The following WNK3 variants were observed in gnomAD, a reference collection of about 807,000 sequenced individuals.
The protein encoded by WNK3 is serine/threonine-protein kinase WNK3.
WNK3 carries 18 observed loss-of-function variants against 116.7 expected under a neutral mutation model. The observed-to-expected ratio is 0.15, with a 90% CI of 0.11 to 0.23. The LOEUF (loss-of-function observed/expected upper bound fraction) is 0.23, where lower values mean the gene tolerates loss of function less well. Ranked by LOEUF, WNK3 falls within the 10% of genes least tolerant of loss-of-function variation. The pLI is 1.00. For missense variants in WNK3, 993 were observed against 1,323.8 expected, an observed-to-expected ratio of 0.75 and a Z score of 3.88; for synonymous variants, 404 against 469.4, an observed-to-expected ratio of 0.86 and a Z score of 1.80.
At chrX:54,195,930 C>T (rs1465936229) in exon 24 of WNK3, 2 of 111,289 alleles carry the variant, frequency 1.8e-5, no homozygotes, top group Non-Finnish European at 3.8e-5. Flanking sequence ...GTCATTAATA[C>T]ATGTAATTGT....
At chrX:54,196,406 A>AT (rs782243828) in exon 24 of WNK3, 6,304 of 83,945 alleles carry the variant, frequency 0.075, 403 homozygotes, top group African/African-American at 0.19. Flanking sequence ...CATAAAACAC[A>AT]TTTTTTTTTT....
intron 20 of WNK3, among the ~76,000 whole-genome samples, chrX:54,236,307 C>G (rs6521670): frequency 0.18 from 18,858 of 103,557 alleles, 2,901 homozygotes; most frequent in African/African-American, 0.5. Flanking sequence ...TTTTTAAATA[C>G]AGACAAAGTT....
chrX:54,255,723 C>A lies in WNK3; in HGVS notation c.2250+17G>T, dbSNP rs782509744. The stretch of plus-strand genomic sequence containing the variant: ...CCTCTATATGTACTCTTAACCAAAC[C>A]ATATTTACAAACTGACCTGAAGGAC... On this transcript the variant is annotated intron_variant, in intron 12 of 23. Transcript: ENST00000354646. The A allele has an allele frequency of 1.7e-6, 2 of 1,203,001 alleles. No homozygotes were observed. Among genetic ancestry groups the A allele is most frequent in the African/African-American group, 3.5e-5 (2 of 57,403 alleles).
At position 54,232,095 on chromosome X, in the gene WNK3, A is replaced by ATG. The variant is rs1228009876; in HGVS notation, c.4840+712_4840+713dup. ...TGAGTGTGTGTGTGTGTCTGTGTAT[A>ATG]TGTGTGTGTGTGTGTGTGTATATAT... is the stretch of plus-strand genomic sequence containing the variant. On this transcript the variant is annotated intron_variant, in intron 21 of 23. Transcript: ENST00000354646. Among the ~76,000 whole-genome samples, 201 of 96,634 alleles carry ATG rather than the reference A, an allele frequency of 2.1e-3. 2 individuals are homozygous for ATG. Among genetic ancestry groups the ATG allele is most frequent in the Middle Eastern group, 0.02 (4 of 197 alleles). 83.9% of individuals were successfully genotyped at this position (96,634 alleles called of 115,157 possible). A position where few individuals can be genotyped will look rare whatever the true frequency, so the allele number is the denominator to read the frequency against.
At chrX:54,268,120 ACACAC>A (rs1275511275) in intron 10 of WNK3, among the ~76,000 whole-genome samples, 3 of 107,171 alleles carry the variant, frequency 2.8e-5, no homozygotes, top group Non-Finnish European at 3.8e-5. Context: ...ACACACACAC[ACACAC>A]ACTTCCTAGC....
At chrX:54,321,445 C>CATGG (rs1428867440) in intron 2 of WNK3, among the ~76,000 whole-genome samples, 18 of 111,396 alleles carry the variant, frequency 1.6e-4, no homozygotes, top group Non-Finnish European at 3.0e-4. Flanking sequence ...AAACAGCAGT[C>CATGG]ATGGCAATGA....
Position 54,311,647 on chromosome X carries a change from T to C in WNK3, c.538-356A>G, listed in dbSNP as rs930608663. On this transcript the variant is annotated intron_variant, in intron 2 of 23. Transcript: ENST00000354646. Reference sequence around the variant, plus strand: ...TGAGTTTCCATATCTAAAACATCTGTAATGTCAGAACAAGAACAATAAAAA... The same window carrying C: ...TGAGTTTCCATATCTAAAACATCTGCAATGTCAGAACAAGAACAATAAAAA... Among the ~76,000 whole-genome samples, 3 of 112,266 alleles carry C rather than the reference T, an allele frequency of 2.7e-5. No individual in the cohort carries two copies. In the East Asian group the frequency reaches 8.4e-4, roughly 31 times the overall value.
At chrX:54,324,202 T>A (rs2069070872) in intron 2 of WNK3, among the ~76,000 whole-genome samples, 1 of 111,848 alleles carries the variant, frequency 8.9e-6, no homozygotes, top group Admixed American at 9.6e-5. Flanking sequence ...CTCCCTCTTA[T>A]AAGGACCCTT....
chrX:54,296,046 G>A (rs2068695377), intron 7 of WNK3, among the ~76,000 whole-genome samples: 1 of 111,986 alleles, frequency 8.9e-6, no homozygotes, highest in Non-Finnish European at 1.9e-5. Context: ...ACACTATTGA[G>A]GGATGTGCAG....
At chrX:54,284,418 G>T (rs2068556461) in intron 10 of WNK3, among the ~76,000 whole-genome samples, 1 of 111,226 alleles carries the variant, frequency 9.0e-6, no homozygotes, top group Non-Finnish European at 1.9e-5. Context: ...ATACATTGCT[G>T]GTGTTAGTGC....
chrX:54,336,300 A>G (rs937197943), intron 1 of WNK3, among the ~76,000 whole-genome samples: 4 of 110,311 alleles, frequency 3.6e-5, no homozygotes, highest in African/African-American at 1.3e-4. Flanking sequence ...AGCCTGGGTG[A>G]CAGAGTGAGA....
intron 2 of WNK3, among the ~76,000 whole-genome samples, chrX:54,321,024 G>A (rs2069026025): frequency 1.8e-5 from 2 of 110,216 alleles, no homozygotes; most frequent in Admixed American, 9.9e-5. Flanking sequence ...AGCCTTCTGA[G>A]TAGCTGGGAT....
intron 5 of WNK3, among the ~76,000 whole-genome samples, chrX:54,302,699 TTCTCTC>T (rs782673409): frequency 4.3e-4 from 10 of 23,335 alleles, no homozygotes; most frequent in East Asian, 3.0e-3. Flanking sequence ...AACATTCCAA[TTCTCTC>T]TCTCTCTCTC....
rs185550537 is a variant in WNK3 at position 54,275,037 on chromosome X, G to A, written c.2038-15699C>T. ...TAAAAAAAAAAAAAAAAAAAAGGTCGGGCCTAGTGGCTCACGTCTGTAATC... is the reference window on the plus strand; with the variant it reads ...TAAAAAAAAAAAAAAAAAAAAGGTCAGGCCTAGTGGCTCACGTCTGTAATC... On this transcript the variant is annotated intron_variant, in intron 10 of 23. Coordinates refer to ENST00000354646, the Ensembl canonical transcript of WNK3. Among the ~76,000 whole-genome samples, 564 of 104,240 alleles carry A rather than the reference G, an allele frequency of 5.4e-3. 7 individuals are homozygous for A. Among genetic ancestry groups the A allele is most frequent in the African/African-American group, 0.019 (542 of 28,633 alleles). 90.5% of individuals were successfully genotyped at this position (104,240 alleles called of 115,157 possible).
chrX:54,352,604 T>A (rs2069532419), intron 1 of WNK3, among the ~76,000 whole-genome samples: 1 of 111,410 alleles, frequency 9.0e-6, no homozygotes, highest in Non-Finnish European at 1.9e-5. Flanking sequence ...TGCCTCAGCC[T>A]GGGTGGTTGA....
At chrX:54,205,593 GAAC>G (rs2067545974) in intron 22 of WNK3, among the ~76,000 whole-genome samples, 2 of 111,158 alleles carry the variant, frequency 1.8e-5, no homozygotes. Context: ...GCAACAGAAA[GAAC>G]AACTACACAC....
chrX:54,273,190 T>C (rs1004441299), intron 10 of WNK3, among the ~76,000 whole-genome samples: 2 of 112,577 alleles, frequency 1.8e-5, no homozygotes, highest in South Asian at 7.2e-4. Flanking sequence ...ACATTATTCA[T>C]GTAGATAAGA....
At chrX:54,234,964 TAA>T (rs1557149818) in intron 20 of WNK3, among the ~76,000 whole-genome samples, 2 of 112,195 alleles carry the variant, frequency 1.8e-5, no homozygotes, top group Admixed American at 9.5e-5. Context: ...ACTTAATATA[TAA>T]GTTGACGTAT....
intron 23 of WNK3, 124 bp downstream of exon 23, chrX:54,201,867 T>A: frequency 1.8e-6 from 1 of 564,996 alleles, no homozygotes; most frequent in Non-Finnish European, 2.8e-6. Context: ...TAAAAAAGGA[T>A]AAAAGTCTCT....
Sources: allele counts gnomAD v4.1 joint callset (sites outside exome capture counted in the v4.1 genomes callset), GRCh38; gene constraint gnomAD v4.1.1; transcripts MANE v1.5; gene names NCBI Gene and HGNC (gene_info 2026-07-23, HGNC 2026-07-21).